CTNNA3: variants seen among roughly 807,000 people sequenced by gnomAD.
CTNNA3 encodes catenin alpha-3.
In CTNNA3, 76 loss-of-function variants were observed where a neutral mutation model predicts 95.7. The ratio of observed to expected loss-of-function variants is 0.79; its 90% CI spans 0.66 to 0.96. CTNNA3 has a LOEUF of 0.96. Ranked by LOEUF, CTNNA3 falls within the 40% of genes least tolerant of loss-of-function variation. The pLI is 0.00. For missense variants in CTNNA3, 1,191 were observed against 1,089.8 expected (o/e 1.09, Z -1.31); for synonymous variants, 431 against 374.4 (o/e 1.15, Z -1.74).
chr10:66,205,599 C>A, intron 13 of CTNNA3, among the ~76,000 whole-genome samples: 1 of 151,704 alleles, frequency 6.6e-6, no homozygotes, highest in Non-Finnish European at 1.5e-5. Flanking sequence ...AGAAAAAAAC[C>A]CATACACAAA....
intron 13 of CTNNA3, among the ~76,000 whole-genome samples, chr10:66,123,521 G>A (rs1028165101): frequency 6.6e-5 from 10 of 152,126 alleles, no homozygotes; most frequent in African/African-American, 2.4e-4. Context: ...CTGGAGGATG[G>A]TGGCCCTCTT....
intron 5 of CTNNA3, among the ~76,000 whole-genome samples, chr10:67,328,572 G>A (rs1259788456): frequency 2.0e-5 from 3 of 152,216 alleles, no homozygotes; most frequent in Admixed American, 2.0e-4. Flanking sequence ...CCAGAGGCCT[G>A]TGGCAAAAGC....
chr10:66,950,309 T>C (rs1848475178), intron 7 of CTNNA3, among the ~76,000 whole-genome samples: 1 of 152,084 alleles, frequency 6.6e-6, no homozygotes, highest in Non-Finnish European at 1.5e-5. Context: ...TTTACTTATA[T>C]CTATAATTAT....
chr10:65,931,066 A>G (rs898839386), intron 17 of CTNNA3, among the ~76,000 whole-genome samples: 4 of 152,170 alleles, frequency 2.6e-5, no homozygotes, highest in African/African-American at 9.7e-5. Flanking sequence ...TTCATGACCC[A>G]GATTTTTCAG....
intron 11 of CTNNA3, among the ~76,000 whole-genome samples, chr10:66,433,284 AT>A (rs1417657666): frequency 1.3e-5 from 2 of 152,122 alleles, no homozygotes; most frequent in Non-Finnish European, 2.9e-5. Flanking sequence ...AAGTGTTCCT[AT>A]TTCTCCACAT....
chr10:67,205,548 C>T lies in CTNNA3; in HGVS notation c.843+14059G>A, dbSNP rs1039553168. 2.6e-5 allele frequency among the ~76,000 whole-genome samples: 4 copies of T among 152,108 alleles called. No homozygotes were observed. The East Asian group carries it at 7.7e-4, about 29-fold the overall frequency. Reference sequence around the variant, plus strand: ...CATCCTTCAAGGCCTAGCTCAATTTCCTTTCCATAAAGACTTCCCTGTTTG... The same window carrying T: ...CATCCTTCAAGGCCTAGCTCAATTTTCTTTCCATAAAGACTTCCCTGTTTG... On this transcript the variant is annotated intron_variant, in intron 6 of 17. Transcript: ENST00000433211.
chr10:67,313,919 T>C (rs1489214950), intron 5 of CTNNA3, among the ~76,000 whole-genome samples: 2 of 152,140 alleles, frequency 1.3e-5, no homozygotes, highest in Admixed American at 6.5e-5. Context: ...GATACAAGGA[T>C]GCCAAACTGA....
intron 11 of CTNNA3, among the ~76,000 whole-genome samples, chr10:66,434,908 GT>G (rs200584333): frequency 1.3e-5 from 2 of 150,402 alleles, no homozygotes; most frequent in Non-Finnish European, 3.0e-5. Flanking sequence ...ATAATCATGT[GT>G]TTTTTTTTCA....
In CTNNA3 at chr10:66,691,925, C is replaced by A. The variant is rs531713292; in HGVS notation, c.1282-70141G>T. 5.6e-3 allele frequency among the ~76,000 whole-genome samples: 818 copies of A among 145,844 alleles called. 15 individuals are homozygous for A. The highest frequency in any genetic ancestry group is 0.02 in the African/African-American group (768 of 37,650). On this transcript the variant is annotated intron_variant, in intron 9 of 17. Transcript: ENST00000433211. ...TCCTGTCTGTTAGAAGGAAAACTAA[C>A]AAACAGAAAGGACATCCACACCAAA...
chr10:66,785,878 T>A (rs1168683068), intron 7 of CTNNA3, among the ~76,000 whole-genome samples: 8 of 152,104 alleles, frequency 5.3e-5, no homozygotes, highest in African/African-American at 1.9e-4. Flanking sequence ...TTCACCACAC[T>A]CTCTTCCCCC....
In CTNNA3 at chr10:66,435,972, T is replaced by C. The variant is rs1049204685; in HGVS notation, c.1532-56620A>G. On this transcript the variant is annotated intron_variant, in intron 11 of 17. Transcript: ENST00000433211. ...AGGAGCAGGTTGTTCAGTTTCCATG[T>C]AGTTGTGCGGTTTTGAGTGAGTTTC... is the stretch of plus-strand genomic sequence containing the variant. Among the ~76,000 whole-genome samples the C allele has an allele frequency of 3.3e-5, 5 of 152,332 alleles. No individual in the cohort carries two copies. In the South Asian group the frequency reaches 6.2e-4, roughly 19 times the overall value.
chr10:66,438,210 G>T (rs1330813798), intron 11 of CTNNA3, among the ~76,000 whole-genome samples: 9 of 152,208 alleles, frequency 5.9e-5, no homozygotes, highest in Admixed American at 6.5e-5. Flanking sequence ...CTGTCCCTTA[G>T]CAGAGCTCAA....
chr10:67,620,923 G>GTGTGTATATATATATATATATA (rs1402402526), intron 2 of CTNNA3, among the ~76,000 whole-genome samples: 10 of 123,846 alleles, frequency 8.1e-5, no homozygotes, highest in African/African-American at 2.4e-4. Context: ...GTGTGTGTGT[G>GTGTGTATATATATATATATATA]TATATATATA....
chr10:66,482,235 T>C (rs192516741), intron 11 of CTNNA3, among the ~76,000 whole-genome samples: 105 of 152,310 alleles, frequency 6.9e-4, no homozygotes, highest in African/African-American at 2.4e-3. Context: ...CAAGTATTCA[T>C]TGTTTTTGGA....
chr10:67,039,130 C>T (rs2133138480), intron 7 of CTNNA3, among the ~76,000 whole-genome samples: 1 of 152,148 alleles, frequency 6.6e-6, no homozygotes, highest in South Asian at 2.1e-4. Flanking sequence ...ATGCCTCACA[C>T]TGAGATTACT....
intron 13 of CTNNA3, among the ~76,000 whole-genome samples, chr10:66,262,742 C>T (rs1314123526): frequency 6.6e-6 from 1 of 151,946 alleles, no homozygotes; most frequent in Non-Finnish European, 1.5e-5. Context: ...GTACTATAAA[C>T]TGTCCTATAT....
intron 11 of CTNNA3, among the ~76,000 whole-genome samples, chr10:66,383,410 G>T (rs890582606): frequency 6.6e-6 from 1 of 152,156 alleles, no homozygotes; most frequent in Non-Finnish European, 1.5e-5. Flanking sequence ...AGAGTAAGAA[G>T]AAATGAACAA....
intron 11 of CTNNA3, among the ~76,000 whole-genome samples, chr10:66,490,943 G>A (rs1438709115): frequency 1.3e-5 from 2 of 152,096 alleles, no homozygotes; most frequent in Non-Finnish European, 2.9e-5. Flanking sequence ...CTGCTGACAT[G>A]TTTCATTATT....
At chr10:66,152,690 AAAT>A (rs899364265) in intron 13 of CTNNA3, among the ~76,000 whole-genome samples, 15 of 151,922 alleles carry the variant, frequency 9.9e-5, no homozygotes, top group Non-Finnish European at 1.0e-4. Flanking sequence ...AGCATTTTTG[AAAT>A]AAAAAAGAAA....
Sources: allele counts gnomAD v4.1 joint callset (sites outside exome capture counted in the v4.1 genomes callset), GRCh38; gene constraint gnomAD v4.1.1; transcripts MANE v1.5; gene names NCBI Gene and HGNC (gene_info 2026-07-23, HGNC 2026-07-21).